The following ANKFN1 variants were observed in gnomAD, a reference collection of about 807,000 sequenced individuals.
ANKFN1 encodes the protein ankyrin repeat and fibronectin type III domain containing 1.
In ANKFN1, 74 loss-of-function variants were observed where a neutral mutation model predicts 108.7. That is an observed-to-expected ratio of 0.68 (90% confidence interval 0.56 to 0.83). The LOEUF is 0.83. Among genes scored for constraint, ANKFN1 ranks in the 40% least tolerant of loss-of-function variants. The pLI is 0.00. For synonymous variants in ANKFN1, 547 were observed against 516.2 expected (o/e 1.06, Z -0.81); for missense variants, 1,505 against 1,382.3 (o/e 1.09, Z -1.41).
intron 3 of ANKFN1, among the ~76,000 whole-genome samples, chr17:56,253,488 A>G (rs1043539555): frequency 1.3e-5 from 2 of 152,234 alleles, no homozygotes; most frequent in African/African-American, 2.4e-5. Context: ...CCATAATCCC[A>G]GCACTTTGGG....
chr17:56,226,559 G>A (rs1316752764), intron 2 of ANKFN1, among the ~76,000 whole-genome samples: 1 of 152,042 alleles, frequency 6.6e-6, no homozygotes. Flanking sequence ...GAGGAATTTG[G>A]GACAAGGATA....
intron 2 of ANKFN1, among the ~76,000 whole-genome samples, chr17:56,224,480 C>T (rs541115723): frequency 1.3e-5 from 2 of 152,296 alleles, no homozygotes; most frequent in South Asian, 2.1e-4. Flanking sequence ...GAAGATTTTA[C>T]TCCATAGGTT....
chr17:56,509,906 G>T (rs898388311), intron 20 of ANKFN1, among the ~76,000 whole-genome samples: 1 of 152,140 alleles, frequency 6.6e-6, no homozygotes, highest in Non-Finnish European at 1.5e-5. Context: ...GTTAGAATGT[G>T]GGCTTTTTCT....
intron 1 of ANKFN1, among the ~76,000 whole-genome samples, chr17:56,187,329 G>C (rs1236232121): frequency 6.6e-6 from 1 of 152,180 alleles, no homozygotes; most frequent in Non-Finnish European, 1.5e-5. Context: ...ACAGACACAT[G>C]AAAAAATGCT....
intron 2 of ANKFN1, among the ~76,000 whole-genome samples, chr17:56,218,727 G>A (rs915432789): frequency 1.3e-5 from 2 of 151,990 alleles, no homozygotes; most frequent in Admixed American, 1.3e-4. Flanking sequence ...GGAATAAAGG[G>A]TACTTTCATC....
At chr17:56,288,303 T>A (rs905433070) in intron 3 of ANKFN1, among the ~76,000 whole-genome samples, 13 of 152,302 alleles carry the variant, frequency 8.5e-5, no homozygotes, top group African/African-American at 2.9e-4. Flanking sequence ...ATATACATTA[T>A]CTATTCCTCC....
At chr17:56,292,832 A>C (rs551123359) in intron 3 of ANKFN1, among the ~76,000 whole-genome samples, 27 of 152,314 alleles carry the variant, frequency 1.8e-4, no homozygotes, top group African/African-American at 6.5e-4. Flanking sequence ...AATAGGAAAA[A>C]GTTTCTCATG....
At chr17:56,075,566 G>A (rs1905172031) in intron 4 of ANKFN1, among the ~76,000 whole-genome samples, 1 of 151,974 alleles carries the variant, frequency 6.6e-6, no homozygotes, top group South Asian at 2.1e-4. Flanking sequence ...TTGAGATGAG[G>A]GGCCCCTTTG....
At chr17:56,370,297 G>GA (rs1229604608) in intron 6 of ANKFN1, among the ~76,000 whole-genome samples, 6 of 152,240 alleles carry the variant, frequency 3.9e-5, no homozygotes, top group African/African-American at 1.2e-4. Context: ...GAAGGAAAGG[G>GA]AAAATGCAGA....
chr17:56,281,005 C>T (rs1345637578), intron 3 of ANKFN1, among the ~76,000 whole-genome samples: 1 of 151,796 alleles, frequency 6.6e-6, no homozygotes, highest in Non-Finnish European at 1.5e-5. Flanking sequence ...TTGTCTGCCA[C>T]CGTGTGAGAT....
intron 4 of ANKFN1, among the ~76,000 whole-genome samples, chr17:56,349,142 T>C (rs147827285): frequency 3.6e-4 from 54 of 152,022 alleles, no homozygotes; most frequent in African/African-American, 1.3e-3. Flanking sequence ...AAATCAAATA[T>C]TACACGTTCT....
intron 18 of ANKFN1, among the ~76,000 whole-genome samples, chr17:56,487,071 A>T (rs917420695): frequency 6.6e-6 from 1 of 152,172 alleles, no homozygotes; most frequent in Non-Finnish European, 1.5e-5. Flanking sequence ...ACTGTAGCAA[A>T]CCCACAGGCT....
At chr17:56,081,643 GC>G (rs1905247461) in intron 4 of ANKFN1, among the ~76,000 whole-genome samples, 1 of 152,182 alleles carries the variant, frequency 6.6e-6, no homozygotes, top group Non-Finnish European at 1.5e-5. Flanking sequence ...ATAAGCCACT[GC>G]ACCTGGCCTG....
intron 8 of ANKFN1, among the ~76,000 whole-genome samples, chr17:56,395,178 T>C (rs576392895): frequency 3.0e-4 from 46 of 152,176 alleles, no homozygotes; most frequent in Non-Finnish European, 6.5e-4. Context: ...TTTGAAGAAA[T>C]TTTAATGAAG....
At chr17:56,097,622 T>C (rs1186720557) in intron 4 of ANKFN1, among the ~76,000 whole-genome samples, 1 of 152,238 alleles carries the variant, frequency 6.6e-6, no homozygotes, top group East Asian at 1.9e-4. Context: ...AGCAGAGTCC[T>C]TAGGTGAAAC....
At chr17:56,199,519 C>T (rs1913852048) in intron 1 of ANKFN1, among the ~76,000 whole-genome samples, 1 of 152,132 alleles carries the variant, frequency 6.6e-6, no homozygotes, top group Non-Finnish European at 1.5e-5. Context: ...CAATTTTGAT[C>T]TCCCAACTTT....
chr17:56,292,423 G>T (rs1026701247), intron 3 of ANKFN1, among the ~76,000 whole-genome samples: 8 of 152,106 alleles, frequency 5.3e-5, no homozygotes, highest in African/African-American at 1.9e-4. Flanking sequence ...GACCGTGCCT[G>T]GGGGAAATAA....
At chr17:56,285,716 C>T (rs945018489) in intron 3 of ANKFN1, among the ~76,000 whole-genome samples, 4 of 152,230 alleles carry the variant, frequency 2.6e-5, no homozygotes, top group Non-Finnish European at 5.9e-5. Context: ...TCCTCGGTTT[C>T]CTCCCAATAG....
chr17:56,436,853 A>AG (rs2048947238), intron 8 of ANKFN1, among the ~76,000 whole-genome samples: 1 of 151,880 alleles, frequency 6.6e-6, no homozygotes, highest in Admixed American at 6.6e-5. Flanking sequence ...AAAAAAAAAA[A>AG]AAGAATTCCC....
Sources: allele counts gnomAD v4.1 joint callset (sites outside exome capture counted in the v4.1 genomes callset), GRCh38; gene constraint gnomAD v4.1.1; transcripts MANE v1.5; gene names NCBI Gene and HGNC (gene_info 2026-07-23, HGNC 2026-07-21).